The following HEATR1 variants were observed in gnomAD, a reference collection of about 807,000 sequenced individuals.
HEATR1 encodes HEAT repeat containing 1.
Under a neutral mutation model 248.2 loss-of-function variants are expected in HEATR1, and 77 were observed. The observed-to-expected ratio is 0.31, with a 90% CI of 0.26 to 0.37. HEATR1 has a LOEUF of 0.37. HEATR1 is among the 10% of genes least tolerant of loss of function. The probability of loss-of-function intolerance (pLI) is 1.00; values close to 1 mark genes in which losing one functional copy is unlikely to be tolerated. For missense variants in HEATR1, 2,420 were observed against 2,504.9 expected (o/e 0.97, Z 0.72); for synonymous variants, 897 against 923.1 (o/e 0.97, Z 0.51).
chr1:236,594,190 A>G (rs1222303229), intron 8 of HEATR1, 76 bp from the exon 9 acceptor site: 2 of 936,902 alleles, frequency 2.1e-6, no homozygotes, highest in African/African-American at 1.7e-5. Context: ...CACTTATAGC[A>G]GAAAATCGTT....
chr1:236,586,014 A>C lies in HEATR1; in HGVS notation c.1928-73T>G, dbSNP rs552269997. 1.2e-5 allele frequency: 18 copies of C among 1,549,318 alleles called. No homozygotes were observed. The African/African-American group carries it at 2.3e-4, about 20-fold the overall frequency. On this transcript the variant is annotated intron_variant, in intron 15 of 44. Transcript: ENST00000366582. ...AAAGAATCACATGAAGAATTCAGGC[A>C]AACATTTTACTATTGTTTATGAAGG...
Position 236,583,096 on chromosome 1 carries a change from A to G in HEATR1, c.2342T>C (p.Val781Ala). ...AAGAAAAACCGAGTCCTCCACGGCC[A>G]CCCTCTGAGTGCTGTTGAGCTCTTC... ...YVEELNSTQR[V>A]AVEDSVFLVF... is the part of the protein sequence containing the mutation. Residue 781 changes from valine to alanine, a missense_variant, in exon 18 of 45, where the codon GTG becomes GCG. Val to Ala is a moderately conservative substitution (Grantham distance 64). Transcript: ENST00000366582. 1 of 1,614,110 alleles carries G rather than the reference A, an allele frequency of 6.2e-7. No individual in the cohort carries two copies. Among genetic ancestry groups the G allele is most frequent in the Non-Finnish European group, 8.5e-7 (1 of 1,179,990 alleles).
At chr1:236,586,215 T>C in intron 15 of HEATR1, 26 bp downstream of exon 15, 1 of 1,549,222 alleles carries the variant, frequency 6.5e-7, no homozygotes. Flanking sequence ...GTTCACTTTT[T>C]CTAAAAAAAC....
chr1:236,603,090 C>A, intron 3 of HEATR1, 70 bp downstream of exon 3: 1 of 1,152,656 alleles, frequency 8.7e-7, no homozygotes, highest in Admixed American at 1.8e-5. Flanking sequence ...TTGATAAGTT[C>A]TCAACTACTT....
chr1:236,595,697 T>C (rs780013283), intron 7 of HEATR1, 24 bp from the exon 8 acceptor site: 2 of 1,600,084 alleles, frequency 1.2e-6, no homozygotes, highest in Non-Finnish European at 1.7e-6. Context: ...AAAGTACATA[T>C]CGTGTTGACT....
Position 236,603,958 on chromosome 1 carries a change from G to A in HEATR1, c.138C>T (p.Ala46=). 1 of 1,591,516 alleles carries A rather than the reference G, an allele frequency of 6.3e-7. No individual in the cohort carries two copies. Among genetic ancestry groups the A allele is most frequent in the East Asian group, 2.3e-5 (1 of 44,246 alleles). The part of the protein sequence containing the change: ...AATIDRDTAF[A]IGCTGLEELL... ...CTAAGTTAAAAGATGGCTCACCAAT[G>A]GCGAAGGCGGTGTCCCTGTCGATTG... The change falls in exon 2 of 45, where the codon GCC becomes GCT. Residue 46 remains alanine, a synonymous_variant. Coordinates refer to ENST00000366582, the MANE Select transcript of HEATR1 (RefSeq NM_018072.6).
At chr1:236,557,091 T>G (rs533927473) in intron 37 of HEATR1, 104 bp downstream of exon 37, 6 of 1,213,068 alleles carry the variant, frequency 4.9e-6, no homozygotes, top group Non-Finnish European at 6.8e-6. Context: ...CTCCTTTCTG[T>G]CAAACGGAAA....
intron 33 of HEATR1, among the ~76,000 whole-genome samples, chr1:236,560,210 GCGCACACACACACAGGCACACACA>G (rs1426474824): frequency 5.9e-5 from 9 of 151,760 alleles, no homozygotes; most frequent in African/African-American, 2.2e-4. Flanking sequence ...AGGTGTGTGC[GCGCACACACACACAGGCACACACA>G]CGCACACATA....
At chr1:236,559,670 A>T in intron 34 of HEATR1, 44 bp downstream of exon 34, 1 of 1,553,556 alleles carries the variant, frequency 6.4e-7, no homozygotes, top group Non-Finnish European at 8.7e-7. Flanking sequence ...ATAATTTAAA[A>T]AACAGCAACA....
chr1:236,552,410 G>A (rs2758999), intron 43 of HEATR1: 95,959 of 176,186 alleles, frequency 0.54, 28,522 homozygotes, highest in Non-Finnish European at 0.66. Flanking sequence ...ATAAAATGCC[G>A]CATGCAAACT....
intron 32 of HEATR1, among the ~76,000 whole-genome samples, chr1:236,561,764 T>C (rs1457106333): frequency 1.3e-5 from 2 of 152,250 alleles, no homozygotes; most frequent in Non-Finnish European, 2.9e-5. Context: ...TTGAGATCTA[T>C]GCATGGTGAC....
intron 31 of HEATR1, 149 bp downstream of exon 31, chr1:236,565,770 A>C (rs147435413): frequency 8.0e-6 from 6 of 749,194 alleles, no homozygotes; most frequent in Middle Eastern, 2.5e-4. Flanking sequence ...ACTATTTTCC[A>C]TAAGGATTCA....
At position 236,558,248 on chromosome 1, in the gene HEATR1, G is replaced by C; in HGVS notation, c.5193C>G (p.Pro1731=). 6.2e-7 allele frequency: 1 copy of C among 1,611,630 alleles called. No homozygotes were observed. The highest frequency in any genetic ancestry group is 2.2e-5 in the East Asian group (1 of 44,834). ...CTCCGGCCGCATACCTGGGAAGCTG[G>C]GGGATGGCCAGCGCCTCCAGGGTGG... is the stretch of plus-strand genomic sequence containing the variant. ...VTSTLEALAI[P]QLPSLMPSLL... is the part of the protein sequence containing the mutation. The change falls in exon 36 of 45, where the codon CCC becomes CCG. Residue 1731 remains proline (P), a synonymous_variant. Coordinates refer to ENST00000366582, the MANE Select transcript of HEATR1 (RefSeq NM_018072.6).
intron 8 of HEATR1, among the ~76,000 whole-genome samples, chr1:236,594,891 T>C (rs935781245): frequency 6.6e-6 from 1 of 152,114 alleles, no homozygotes; most frequent in African/African-American, 2.4e-5. Context: ...TCGAACTCCC[T>C]GGACTCAGGT....
chr1:236,595,890 C>A lies in HEATR1; in HGVS notation c.899G>T (p.Gly300Val), dbSNP rs781187454. Residue 300 changes from glycine (G) to valine (V), a missense_variant, in exon 7 of 45, where the codon GGG becomes GTG. By Grantham distance (109) the Gly-to-Val change is moderately radical (BLOSUM62 -3). Coordinates refer to ENST00000366582, the MANE Select transcript of HEATR1 (RefSeq NM_018072.6). The part of the protein sequence containing the change: ...LTKIPSLIKD[G>V]LSCLIVLLQR... ...CAGGAGCACTATCAAGCAACTTAAC[C>A]CATCCTTGATCAAAGAGGGAATCTT... 6.2e-7 allele frequency: 1 copy of A among 1,614,068 alleles called. No individual in the cohort carries two copies. Among genetic ancestry groups the A allele is most frequent in the Non-Finnish European group, 8.5e-7 (1 of 1,179,954 alleles).
In HEATR1 at chr1:236,555,611, G is replaced by T. The variant is rs1353872172; in HGVS notation, c.5694C>A (p.Asp1898Glu). The change falls in exon 40 of 45, where the codon GAC becomes GAA. Residue 1898 changes from aspartate to glutamate, a missense_variant. By Grantham distance (45) the Asp-to-Glu change is conservative. Coordinates refer to ENST00000366582, the MANE Select transcript of HEATR1 (RefSeq NM_018072.6). ...EVGKTENCII[D>E]CLVAMVVKLS... ...GTTTGACAACCATGGCTACTAGACA[G>T]TCAATGATACAATTTTCCGTTTTTC... 1.2e-6 allele frequency: 2 copies of T among 1,614,114 alleles called. No individual in the cohort carries two copies.
chr1:236,555,708 T>C (rs1272313347), intron 39 of HEATR1, 53 bp from the exon 40 acceptor site: 11 of 1,605,966 alleles, frequency 6.8e-6, no homozygotes, highest in Non-Finnish European at 9.4e-6. Flanking sequence ...CTGTAAATTA[T>C]TTTGGCAAGT....
At chr1:236,579,672 C>A (rs1663656091) in intron 20 of HEATR1, among the ~76,000 whole-genome samples, 1 of 151,640 alleles carries the variant, frequency 6.6e-6, no homozygotes, top group East Asian at 1.9e-4. Flanking sequence ...CTAGAAAAAC[C>A]TTAACAGTAA....
intron 20 of HEATR1, among the ~76,000 whole-genome samples, chr1:236,577,852 T>A (rs952752362): frequency 2.4e-4 from 37 of 152,184 alleles, no homozygotes; most frequent in South Asian, 6.2e-4. Context: ...GGTACCTTAC[T>A]GGTAAAGTTT....
Sources: gnomAD v4.1 joint callset for allele counts (sites outside exome capture counted in the v4.1 genomes callset) on GRCh38, gnomAD v4.1.1 for gene constraint, MANE v1.5 for transcripts, NCBI Gene and HGNC (gene_info 2026-07-23, HGNC 2026-07-21) for gene names.